Variants in EFCAB5 observed in about 807,000 individuals in gnomAD.
The protein encoded by EFCAB5 is EF-hand calcium-binding domain-containing protein 5.
A neutral mutation model predicts 167.9 loss-of-function variants in EFCAB5; 131 were observed. The ratio of observed to expected loss-of-function variants is 0.78; its 90% CI spans 0.68 to 0.90. The LOEUF is 0.90. Ranked by LOEUF, EFCAB5 falls within the 40% of genes least tolerant of loss-of-function variation. The probability of loss-of-function intolerance (pLI) is 0.00; values close to 1 mark genes in which losing one functional copy is unlikely to be tolerated. For missense variants in EFCAB5, 1,663 were observed against 1,745.2 expected (o/e 0.95, Z 0.84); for synonymous variants, 574 against 602.8 (o/e 0.95, Z 0.70).
intron 3 of EFCAB5, among the ~76,000 whole-genome samples, chr17:29,956,322 A>G (rs902092457): frequency 2.6e-5 from 4 of 152,256 alleles, no homozygotes; most frequent in Admixed American, 6.5e-5. Flanking sequence ...AGCTTCCAGA[A>G]CCAGAAAAGG....
chr17:29,968,122 C>T (rs763230387), intron 3 of EFCAB5, among the ~76,000 whole-genome samples: 5 of 152,088 alleles, frequency 3.3e-5, no homozygotes, highest in South Asian at 2.1e-4. Flanking sequence ...GCAGTCCTCC[C>T]GCCTTGGCCT....
At chr17:30,030,798 C>T (rs1257180599) in intron 7 of EFCAB5, among the ~76,000 whole-genome samples, 3 of 152,022 alleles carry the variant, frequency 2.0e-5, no homozygotes, top group South Asian at 4.2e-4. Flanking sequence ...GGACTACAAG[C>T]GTGCACCACC....
chr17:29,954,155 G>C (rs960858448), intron 3 of EFCAB5, among the ~76,000 whole-genome samples: 2 of 152,144 alleles, frequency 1.3e-5, no homozygotes, highest in Admixed American at 1.3e-4. Context: ...CAATAAAAAA[G>C]AAAACCCCAT....
intron 14 of EFCAB5, chr17:30,073,107 G>A: frequency 2.9e-6 from 2 of 691,572 alleles, no homozygotes; most frequent in Non-Finnish European, 5.3e-6. Flanking sequence ...CCAGGCTGGA[G>A]TGCAGTGGCG....
At chr17:29,979,501 T>C (rs1166507341) in intron 4 of EFCAB5, among the ~76,000 whole-genome samples, 1 of 152,166 alleles carries the variant, frequency 6.6e-6, no homozygotes, top group Non-Finnish European at 1.5e-5. Flanking sequence ...TTTACTACCA[T>C]ACATATTAAC....
chr17:30,080,921 T>C lies in EFCAB5; in HGVS notation c.3366T>C (p.Asp1122=), dbSNP rs1189048404. ...GGATCTTTGGGGTCTTGGCTGTTGA[T>C]ACCCTTAGAGATCCCCACGAAATAA... ...YMRIFGVLAV[D]TLRDPHEINI... The change falls in exon 17 of 23, where the codon GAT becomes GAC. Residue 1122 remains aspartate (D), a synonymous_variant. Coordinates refer to ENST00000394835, the MANE Select transcript of EFCAB5 (RefSeq NM_198529.4). The C allele has an allele frequency of 2.5e-6, 4 of 1,613,610 alleles. No homozygotes were observed. The highest frequency in any genetic ancestry group is 2.2e-5 in the East Asian group (1 of 44,886).
intron 4 of EFCAB5, among the ~76,000 whole-genome samples, chr17:29,970,789 T>C (rs1597599653): frequency 6.6e-6 from 1 of 152,106 alleles, no homozygotes; most frequent in African/African-American, 2.4e-5. Flanking sequence ...CTAAAGTTTT[T>C]TGCAGCTGGG....
At chr17:30,011,825 A>C (rs2068909686) in intron 7 of EFCAB5, among the ~76,000 whole-genome samples, 1 of 152,342 alleles carries the variant, frequency 6.6e-6, no homozygotes, top group South Asian at 2.1e-4. Context: ...CCAAGGCAAG[A>C]GACCGAGGAC....
chr17:30,056,655 G>A (rs2070277070), intron 12 of EFCAB5, among the ~76,000 whole-genome samples: 1 of 152,158 alleles, frequency 6.6e-6, no homozygotes, highest in Non-Finnish European at 1.5e-5. Flanking sequence ...TAAAATGATT[G>A]TTCCAAAAGC....
chr17:29,932,759 T>G lies in EFCAB5; in HGVS notation c.-127+3430T>G, dbSNP rs148748566. On this transcript the variant is annotated intron_variant, in intron 1 of 3. Transcript: ENST00000448319. ...AGGTGTGAGCCCCCGCACCCGGCCA[T>G]CATTCTTTTTCTTAATAGTAGAAGT... Among the ~76,000 whole-genome samples, 285 of 152,198 alleles carry G rather than the reference T, an allele frequency of 1.9e-3. 2 individuals are homozygous for G. Among genetic ancestry groups the G allele is most frequent in the Admixed American group, 4.4e-3 (67 of 15,274 alleles).
intron 22 of EFCAB5, among the ~76,000 whole-genome samples, chr17:30,106,842 G>T (rs2071455850): frequency 6.6e-6 from 1 of 152,218 alleles, no homozygotes; most frequent in Non-Finnish European, 1.5e-5. Flanking sequence ...TTGGGAGGCT[G>T]AAGTGGGAGG....
intron 5 of EFCAB5, among the ~76,000 whole-genome samples, chr17:29,994,151 TATATATATATATATATATATATATATGTG>T (rs1469732845): frequency 7.8e-6 from 1 of 127,418 alleles, no homozygotes; most frequent in East Asian, 2.7e-4. Flanking sequence ...TATATATATA[TATATATATATATATATATATATATATGTG>T]ATATATATAT....
chr17:29,974,345 C>A (rs2068021131), intron 4 of EFCAB5, among the ~76,000 whole-genome samples: 2 of 151,894 alleles, frequency 1.3e-5, no homozygotes, highest in South Asian at 4.2e-4. Context: ...TCGAGACCAG[C>A]CTGGGCAACA....
intron 7 of EFCAB5, among the ~76,000 whole-genome samples, chr17:30,023,394 T>C (rs1300572476): frequency 1.3e-5 from 2 of 152,068 alleles, no homozygotes; most frequent in African/African-American, 4.8e-5. Flanking sequence ...CAGAGAATAC[T>C]ACAAACACCT....
chr17:30,092,783 C>A, intron 21 of EFCAB5, 57 bp from the exon 22 acceptor site: 2 of 1,188,830 alleles, frequency 1.7e-6, no homozygotes, highest in Non-Finnish European at 2.5e-6. Flanking sequence ...TTGAACTGGG[C>A]ACTGTATTTC....
rs2070180440 is a variant in EFCAB5 at position 30,053,938 on chromosome 17, G to A, written c.1984G>A (p.Glu662Lys). 1 of 1,613,992 alleles carries A rather than the reference G, an allele frequency of 6.2e-7. No individual in the cohort carries two copies. ...AGGACCTTATGGAGAGATAATTTCA[G>A]AAGAGCAAGAAGACATAGGCTCAAC... Reference protein sequence around the residue: ...EQGPYGEIISEEQEDIGSTSQ... With the variant: ...EQGPYGEIISKEQEDIGSTSQ... Residue 662 changes from glutamate (E) to lysine (K), a missense_variant, in exon 10 of 23, where the codon GAA (glutamate) becomes AAA (lysine). Coordinates refer to ENST00000394835, the MANE Select transcript of EFCAB5 (RefSeq NM_198529.4).
chr17:30,040,918 A>G (rs1436025116), intron 8 of EFCAB5, among the ~76,000 whole-genome samples: 2 of 152,162 alleles, frequency 1.3e-5, no homozygotes, highest in African/African-American at 4.8e-5. Context: ...ACCTTTCGTA[A>G]GCAACTTCCT....
chr17:30,050,563 A>G (rs940888498), intron 8 of EFCAB5, among the ~76,000 whole-genome samples: 16 of 152,176 alleles, frequency 1.1e-4, no homozygotes, highest in African/African-American at 3.6e-4. Flanking sequence ...TGGAGTGGCT[A>G]GGACTACAGG....
chr17:30,039,122 T>C (rs1597710376), intron 8 of EFCAB5, among the ~76,000 whole-genome samples: 1 of 152,116 alleles, frequency 6.6e-6, no homozygotes, highest in East Asian at 1.9e-4. Flanking sequence ...ACCCTTAGAA[T>C]TTCCGGTAAA....
Sources: allele counts gnomAD v4.1 joint callset (sites outside exome capture counted in the v4.1 genomes callset), GRCh38; gene constraint gnomAD v4.1.1; transcripts MANE v1.5; gene names NCBI Gene and HGNC (gene_info 2026-07-23, HGNC 2026-07-21).